Variants in GATA1 observed in about 807,000 individuals in gnomAD.
The protein encoded by GATA1 is erythroid transcription factor.
A neutral mutation model predicts 18.9 loss-of-function variants in GATA1; 2 were observed. The observed-to-expected ratio is 0.11, with a 90% confidence interval of 0.04 to 0.33. GATA1 has a LOEUF of 0.33. GATA1 is among the 10% of genes least tolerant of loss of function. GATA1 has a pLI of 1.00. For synonymous variants in GATA1, 152 were observed against 149.1 expected (o/e 1.02, Z -0.14); for missense variants, 272 against 344.7 (o/e 0.79, Z 1.67).
chrX:48,791,366 G>A (rs782528630), intron 2 of GATA1, 37 bp downstream of exon 2: 13 of 1,112,240 alleles, frequency 1.2e-5, no homozygotes, highest in Admixed American at 7.4e-5. Context: ...CATTGGCTGA[G>A]TGCTGTTGGG....
chrX:48,787,608 C>T (rs1437027690), intron 1 of GATA1, among the ~76,000 whole-genome samples: 1 of 111,057 alleles, frequency 9.0e-6, no homozygotes, highest in African/African-American at 3.3e-5. Context: ...CGCCCCGATC[C>T]CCCAACCTCG....
chrX:48,787,625 TTCACAACC>T lies in GATA1; in HGVS notation c.-20+982_-20+989del, dbSNP rs1790249854. Among the ~76,000 whole-genome samples the T allele has an allele frequency of 3.6e-5, 4 of 111,070 alleles. No homozygotes were observed. In the Admixed American group the frequency reaches 3.8e-4, roughly 11 times the overall value. ...CCCCGATCCCCCAACCTCGTCTGTT[TTCACAACC>T]TATTCCTGAGCCCAAAATGTGTCTC... On this transcript the variant is annotated intron_variant, in intron 1 of 5. Coordinates refer to ENST00000376670, the MANE Select transcript of GATA1 (RefSeq NM_002049.4).
chrX:48,789,102 T>C (rs1418059831), intron 1 of GATA1, among the ~76,000 whole-genome samples: 1 of 108,471 alleles, frequency 9.2e-6, no homozygotes, highest in Non-Finnish European at 1.9e-5. Context: ...AGGTCAGGAG[T>C]TCAAGACCAG....
At position 48,792,323 on chromosome X, in the gene GATA1, A is replaced by C. The variant is rs2062677868; in HGVS notation, c.599A>C (p.Glu200Ala). The C allele has an allele frequency of 1.7e-6, 2 of 1,210,027 alleles. No individual in the cohort carries two copies. The highest frequency in any genetic ancestry group is 3.5e-5 in the African/African-American group (2 of 57,144). ...LRGTLPLPPC[E>A]ARECVNCGAT... is the part of the protein sequence containing the mutation. ...CCTCTTCTCCTCTCCACCCCACCAG[A>C]GGCCAGGGAGTGTGTGAACTGCGGA... The change falls in exon 4 of 6, where the codon GAG becomes GCG. Residue 200 changes from glutamate to alanine, a missense_variant and splice_region_variant. Glu to Ala is a moderately radical substitution (Grantham distance 107). This residue lies in a region of GATA1 where 147 missense variants were observed against 157.4 expected (regional missense o/e 0.93). Coordinates refer to ENST00000376670, the MANE Select transcript of GATA1 (RefSeq NM_002049.4).
At position 48,794,191 on chromosome X, in the gene GATA1, G is replaced by T; in HGVS notation, c.*27G>T. On this transcript the variant is annotated 3_prime_UTR_variant, in exon 6 of 6. Coordinates refer to ENST00000376670, the MANE Select transcript of GATA1 (RefSeq NM_002049.4). ...GGCACAGAGCATGGCCTCCAGAGGA[G>T]GGGTGGTGTCCTTCTCCTCTTGTAG... 1 of 1,195,247 alleles carries T rather than the reference G, an allele frequency of 8.4e-7. No individual in the cohort carries two copies. The highest frequency in any genetic ancestry group is 1.1e-6 in the Non-Finnish European group (1 of 886,217).
rs1557020183 is a variant in GATA1 at position 48,791,935 on chromosome X, C to T, written c.312C>T (p.Tyr104=). The change falls in exon 3 of 6, where the codon TAC becomes TAT. Residue 104 remains tyrosine (Y), a synonymous_variant. Transcript: ENST00000376670. The part of the protein sequence containing the change: ...AGWAYGKTGL[Y]PASTVCPTRE... ...GGGCCTACGGCAAGACGGGGCTCTA[C>T]CCTGCCTCAACTGTGTGTCCCACCC... 4.1e-6 allele frequency: 5 copies of T among 1,212,019 alleles called. No individual in the cohort carries two copies. The highest frequency in any genetic ancestry group is 4.5e-6 in the Non-Finnish European group (4 of 895,519).
rs782236381 is a variant in GATA1, at chrX:48,793,872, G to A, written c.950G>A (p.Arg317Gln). 2.2e-5 allele frequency: 27 copies of A among 1,207,646 alleles called. No homozygotes were observed. Among genetic ancestry groups the A allele is most frequent in the East Asian group, 8.9e-5 (3 of 33,713 alleles). The change falls in exon 6 of 6, where the codon CGG becomes CAG. Residue 317 changes from arginine (R) to glutamine (Q), a missense_variant. Around this residue, in one of 3 missense-constraint regions of GATA1, gnomAD observed 83 missense variants for 84.2 expected, o/e 0.99. Coordinates refer to ENST00000376670, the MANE Select transcript of GATA1 (RefSeq NM_002049.4). ...GCATCTGGAAAAGGGAAAAAGAAAC[G>A]GGGCTCCAGTCTGGGAGGCACAGGA... ...RKASGKGKKK[R>Q]GSSLGGTGAA...
intron 4 of GATA1, 133 bp downstream of exon 4, chrX:48,792,601 G>A (rs781927940): frequency 1.3e-6 from 1 of 798,485 alleles, no homozygotes; most frequent in Non-Finnish European, 1.9e-6. Flanking sequence ...CACCCTGTAT[G>A]GGAACCCCTG....
At chrX:48,790,001 G>A (rs2062668955) in intron 1 of GATA1, among the ~76,000 whole-genome samples, 1 of 109,219 alleles carries the variant, frequency 9.2e-6, no homozygotes. Flanking sequence ...GGGAAGAAAG[G>A]ACGGGGGGAC....
chrX:48,788,930 A>G (rs1392522336), intron 1 of GATA1, among the ~76,000 whole-genome samples: 1 of 111,836 alleles, frequency 8.9e-6, no homozygotes. Context: ...AGAGGGAGAA[A>G]GCAAGAGTAA....
In GATA1 at chrX:48,793,774, G is replaced by A. The variant is rs1557020545; in HGVS notation, c.871-19G>A. 1.2e-5 allele frequency: 15 copies of A among 1,209,287 alleles called. No homozygotes were observed. The highest frequency in any genetic ancestry group is 3.0e-5 in the East Asian group (1 of 33,813). ...CAAAGGTCTGGAGTTGGGGACACCCGCAGCCTCCTTTTTGGCAGGTGAACC... is the reference window on the plus strand; with the variant it reads ...CAAAGGTCTGGAGTTGGGGACACCCACAGCCTCCTTTTTGGCAGGTGAACC... On this transcript the variant is annotated intron_variant, in intron 5 of 5. Transcript: ENST00000376670.
chrX:48,786,825 T>C (rs1186810925), intron 1 of GATA1, among the ~76,000 whole-genome samples, 180 bp downstream of exon 1: 2 of 109,995 alleles, frequency 1.8e-5, no homozygotes, highest in Non-Finnish European at 3.8e-5. Flanking sequence ...ACCCCAAATC[T>C]ACCCCCTAAA....
In GATA1 at chrX:48,793,355, C is replaced by T. The variant is rs2062680402; in HGVS notation, c.870+58C>T. ...CTTTCCCTGTCTTCATGCCACACTG[C>T]CCCCCACTCTGTTCCTGTTCTACCT... On this transcript the variant is annotated intron_variant, in intron 5 of 5. Coordinates refer to ENST00000376670, the MANE Select transcript of GATA1 (RefSeq NM_002049.4). The T allele has an allele frequency of 1.9e-5, 22 of 1,128,552 alleles. No individual in the cohort carries two copies. In the South Asian group the frequency reaches 3.5e-4, roughly 18 times the overall value. 93.0% of individuals were successfully genotyped at this position (1,128,552 alleles called of 1,213,427 possible). A position where few individuals can be genotyped will look rare whatever the true frequency, so the allele number is the denominator to read the frequency against.
In GATA1 at chrX:48,793,936, T is replaced by G; in HGVS notation, c.1014T>G (p.Ala338=). The G allele has an allele frequency of 8.3e-7, 1 of 1,204,612 alleles. No individual in the cohort carries two copies. The highest frequency in any genetic ancestry group is 1.1e-6 in the Non-Finnish European group (1 of 891,572). ...EGPAGGFMVV[A]GGSGSGNCGE... is the part of the protein sequence containing the mutation. ...CAGCTGGTGGCTTTATGGTGGTGGC[T>G]GGGGGCAGCGGTAGCGGGAATTGTG... The change falls in exon 6 of 6, where the codon GCT becomes GCG. Residue 338 remains alanine (A), a synonymous_variant. Coordinates refer to ENST00000376670, the MANE Select transcript of GATA1 (RefSeq NM_002049.4).
rs782165033 is a variant in GATA1, at chrX:48,791,337, C to T, written c.220+8C>T. 1 of 1,183,827 alleles carries T rather than the reference C, an allele frequency of 8.4e-7. No homozygotes were observed. Among genetic ancestry groups the T allele is most frequent in the East Asian group, 3.0e-5 (1 of 33,324 alleles). On this transcript the variant is annotated splice_region_variant and intron_variant, in intron 2 of 5. Coordinates refer to ENST00000376670, the MANE Select transcript of GATA1 (RefSeq NM_002049.4). ...CCTACAGACACTCCCCAGGTAACTC[C>T]ATTGAGTGGCTGTCTTGGCATTGGC...
intron 2 of GATA1, 148 bp from the exon 3 acceptor site, chrX:48,791,696 A>C (rs1323994067): frequency 6.0e-6 from 4 of 662,031 alleles, no homozygotes; most frequent in Non-Finnish European, 9.4e-6. Context: ...GGAAGCATCC[A>C]ATGGCCAGCA....
chrX:48,787,447 T>C (rs2062661626), intron 1 of GATA1, among the ~76,000 whole-genome samples: 1 of 110,700 alleles, frequency 9.0e-6, no homozygotes, highest in African/African-American at 3.3e-5. Flanking sequence ...AACTCCCCTT[T>C]ACTAGCCACA....
chrX:48,790,966 G>A lies in GATA1; in HGVS notation c.-19-125G>A, dbSNP rs1557019943. ...GAGGAGGAGGGGGGAATGGGGAGGT[G>A]GGAAGGAGAAATATGGAGACTGAGG... is the stretch of plus-strand genomic sequence containing the variant. On this transcript the variant is annotated intron_variant, in intron 1 of 5. Coordinates refer to ENST00000376670, the MANE Select transcript of GATA1 (RefSeq NM_002049.4). The A allele has an allele frequency of 1.0e-5, 5 of 489,299 alleles. No individual in the cohort carries two copies. In the East Asian group the frequency reaches 1.5e-4, roughly 15 times the overall value. 40.3% of individuals were successfully genotyped at this position (489,299 alleles called of 1,213,427 possible).
chrX:48,789,370 A>G (rs996794984), intron 1 of GATA1, among the ~76,000 whole-genome samples: 1 of 111,499 alleles, frequency 9.0e-6, no homozygotes, highest in Admixed American at 9.5e-5. Context: ...TCATAGAAAC[A>G]CAGAAAGCTG....
Sources: gnomAD v4.1 joint callset for allele counts (sites outside exome capture counted in the v4.1 genomes callset) on GRCh38, gnomAD v4.1.1 for gene constraint, gnomAD v4.1.1 regional missense constraint, MANE v1.5 for transcripts, NCBI Gene and HGNC (gene_info 2026-07-23, HGNC 2026-07-21) for gene names.